The following MAP2K5 variants were observed in gnomAD, a reference collection of about 807,000 sequenced individuals.
MAP2K5 encodes dual specificity mitogen-activated protein kinase kinase 5.
Under a neutral mutation model 83.1 loss-of-function variants are expected in MAP2K5, and 49 were observed. The ratio of observed to expected loss-of-function variants is 0.59; its 90% CI spans 0.47 to 0.75. The LOEUF is 0.75. Among genes scored for constraint, MAP2K5 ranks in the 30% least tolerant of loss-of-function variants. The pLI, the probability that MAP2K5 is intolerant of heterozygous loss-of-function variation, is 0.00. For missense variants in MAP2K5, 457 were observed against 557.5 expected, an observed-to-expected ratio of 0.82 and a Z score of 1.82; for synonymous variants, 202 against 191.8, an observed-to-expected ratio of 1.05 and a Z score of -0.44.
chr15:67,740,921 AG>A (rs990282386), intron 17 of MAP2K5, among the ~76,000 whole-genome samples: 161 of 151,594 alleles, frequency 1.1e-3, no homozygotes, highest in East Asian at 3.3e-3. Context: ...TCAGGTACTC[AG>A]GAGGCTGAGG....
At chr15:67,606,537 T>C (rs1221432934) in intron 8 of MAP2K5, among the ~76,000 whole-genome samples, 12 of 152,218 alleles carry the variant, frequency 7.9e-5, no homozygotes, top group African/African-American at 4.8e-5. Flanking sequence ...TTCTCAAAGA[T>C]GCTGGTCTCT....
intron 9 of MAP2K5, among the ~76,000 whole-genome samples, chr15:67,643,450 T>C (rs957615044): frequency 6.6e-6 from 1 of 150,934 alleles, no homozygotes; most frequent in Non-Finnish European, 1.5e-5. Flanking sequence ...CAAAGCAAAC[T>C]CTTTTATTTT....
chr15:67,659,016 CA>C (rs1284079849), intron 12 of MAP2K5: 2 of 280,394 alleles, frequency 7.1e-6, no homozygotes, highest in Non-Finnish European at 1.4e-5. Flanking sequence ...TTATTAAGAA[CA>C]AAGTAGTATT....
At chr15:67,623,744 C>T (rs1235127498) in intron 8 of MAP2K5, among the ~76,000 whole-genome samples, 1 of 151,722 alleles carries the variant, frequency 6.6e-6, no homozygotes, top group Non-Finnish European at 1.5e-5. Flanking sequence ...ATTACAGGCA[C>T]CCACCACCAC....
intron 8 of MAP2K5, among the ~76,000 whole-genome samples, chr15:67,602,605 A>G (rs182252252): frequency 6.6e-6 from 1 of 152,312 alleles, no homozygotes; most frequent in East Asian, 1.9e-4. Context: ...GAGACATAAT[A>G]TTCTAGATGT....
At chr15:67,670,672 G>GT (rs1284080336) in intron 13 of MAP2K5, among the ~76,000 whole-genome samples, 1 of 151,610 alleles carries the variant, frequency 6.6e-6, no homozygotes, top group Non-Finnish European at 1.5e-5. Flanking sequence ...TCCTACCTAG[G>GT]TTTGATCTAG....
intron 21 of MAP2K5, among the ~76,000 whole-genome samples, chr15:67,800,452 T>C (rs577612961): frequency 6.6e-6 from 1 of 152,314 alleles, no homozygotes; most frequent in African/African-American, 2.4e-5. Context: ...ACAGCTTATT[T>C]CTGTATATTG....
rs774177289 is a variant in MAP2K5 at position 67,747,148 on chromosome 15, A to G, written c.1075-1083A>G. 2.0e-4 allele frequency among the ~76,000 whole-genome samples: 30 copies of G among 152,234 alleles called. No individual in the cohort carries two copies. The highest frequency in any genetic ancestry group is 6.5e-4 in the Admixed American group (10 of 15,278). ...CCGGACACTGTCCTCTGATAGGCCCAGCTTTCCCATCATAGAATAAAGATG... is the reference window on the plus strand; with the variant it reads ...CCGGACACTGTCCTCTGATAGGCCCGGCTTTCCCATCATAGAATAAAGATG... On this transcript the variant is annotated intron_variant, in intron 17 of 21. Coordinates refer to ENST00000178640, the MANE Select transcript of MAP2K5 (RefSeq NM_145160.3). The surrounding 1 kb of genome is among the most constrained non-coding windows in gnomAD (Gnocchi z 4.1).
At chr15:67,639,780 C>T (rs903382945) in intron 9 of MAP2K5, among the ~76,000 whole-genome samples, 5 of 152,202 alleles carry the variant, frequency 3.3e-5, no homozygotes, top group Admixed American at 3.3e-4. Context: ...GTTGCCTTAT[C>T]TGAACTCAGG....
At chr15:67,731,583 C>G (rs899447720) in intron 17 of MAP2K5, among the ~76,000 whole-genome samples, 3 of 152,164 alleles carry the variant, frequency 2.0e-5, no homozygotes, top group African/African-American at 7.2e-5. Context: ...GTCTTGGCTT[C>G]ACCTGGCACC....
rs1374481633 is a variant in MAP2K5 at position 67,549,065 on chromosome 15, C to G, written c.136-969C>G. 1.4e-5 allele frequency: 22 copies of G among 1,522,840 alleles called. No individual in the cohort carries two copies. In the Admixed American group the frequency reaches 3.2e-4, roughly 22 times the overall value. 94.3% of individuals were successfully genotyped at this position (1,522,840 alleles called of 1,614,324 possible). ...GTGGGCTCCCTGCTGAGAAATACTGCGAGCGGCTTTGTCAGCCGGCTGCCT... is the reference window on the plus strand; with the variant it reads ...GTGGGCTCCCTGCTGAGAAATACTGGGAGCGGCTTTGTCAGCCGGCTGCCT... On this transcript the variant is annotated intron_variant, in intron 1 of 21. Coordinates refer to ENST00000178640, the MANE Select transcript of MAP2K5 (RefSeq NM_145160.3).
intron 8 of MAP2K5, among the ~76,000 whole-genome samples, chr15:67,619,597 A>G (rs2086134097): frequency 6.6e-6 from 1 of 152,228 alleles, no homozygotes; most frequent in Non-Finnish European, 1.5e-5. Context: ...CATAGACCCT[A>G]TATTAAGAAT....
intron 3 of MAP2K5, among the ~76,000 whole-genome samples, chr15:67,569,261 T>G (rs2084905466): frequency 6.6e-6 from 1 of 152,238 alleles, no homozygotes; most frequent in Non-Finnish European, 1.5e-5. Context: ...TGAACTTAAC[T>G]TTGCAGGTGG....
chr15:67,630,909 G>A lies in MAP2K5; in HGVS notation c.567G>A (p.Gly189=), dbSNP rs917654786. 2 of 1,609,980 alleles carry A rather than the reference G, an allele frequency of 1.2e-6. No homozygotes were observed. Among genetic ancestry groups the A allele is most frequent in the Non-Finnish European group, 8.5e-7 (1 of 1,177,758 alleles). The change falls in exon 9 of 22, where the codon GGG becomes GGA. Residue 189 remains glycine (G), a synonymous_variant. Transcript: ENST00000178640. The stretch of plus-strand genomic sequence containing the variant: ...ATAGAGCATATCATGTCCCGAGTGG[G>A]AAAATATTAGCTGTAAAGGTAAGTA... ...TVYKAYHVPS[G]KILAVKVILL...
intron 8 of MAP2K5, among the ~76,000 whole-genome samples, chr15:67,616,078 A>G (rs1481746552): frequency 6.6e-6 from 1 of 152,182 alleles, no homozygotes; most frequent in Non-Finnish European, 1.5e-5. Context: ...TGCCAATGCT[A>G]TAAAGTCTTT....
rs1377547117 is a variant in MAP2K5, at chr15:67,802,539, T to C, written c.1243-4107T>C. 6.6e-6 allele frequency among the ~76,000 whole-genome samples: 1 copy of C among 152,252 alleles called. No individual in the cohort carries two copies. Among genetic ancestry groups the C allele is most frequent in the Non-Finnish European group, 1.5e-5 (1 of 68,032 alleles). ...CCCTCGTCAGTTTAATTGTTGCAAT[T>C]GGCCCTCAGAGAATCCAGGGAATGA... On this transcript the variant is annotated intron_variant, in intron 21 of 21. Transcript: ENST00000178640. This position sits in a 1 kb window ranked among gnomAD's most constrained non-coding sequence, Gnocchi z 5.0.
chr15:67,683,213 C>T (rs1357842028), intron 13 of MAP2K5, among the ~76,000 whole-genome samples: 1 of 151,930 alleles, frequency 6.6e-6, no homozygotes, highest in African/African-American at 2.4e-5. Flanking sequence ...TGGCTATATA[C>T]TAGGATTGTT....
At chr15:67,772,195 C>T (rs2090154817) in intron 20 of MAP2K5, among the ~76,000 whole-genome samples, 1 of 152,190 alleles carries the variant, frequency 6.6e-6, no homozygotes, top group African/African-American at 2.4e-5. Context: ...GTAGCATTAT[C>T]TAGATTCCTG....
intron 8 of MAP2K5, among the ~76,000 whole-genome samples, chr15:67,629,343 G>T (rs2086407560): frequency 6.6e-6 from 1 of 151,646 alleles, no homozygotes; most frequent in Non-Finnish European, 1.5e-5. Flanking sequence ...GGTTATTTTA[G>T]TTCCTGTTCC....
Sources: gnomAD v4.1 joint callset for allele counts (sites outside exome capture counted in the v4.1 genomes callset) on GRCh38, gnomAD v4.1.1 for gene constraint, Gnocchi (gnomAD v3.1) non-coding constraint, MANE v1.5 for transcripts, NCBI Gene and HGNC (gene_info 2026-07-23, HGNC 2026-07-21) for gene names.